Variants in CTPS2 observed in about 807,000 individuals in gnomAD.
CTPS2 encodes the protein CTP synthase II.
CTPS2 carries 19 observed loss-of-function variants against 46.8 expected under a neutral mutation model. That is an observed-to-expected ratio of 0.41 (90% CI 0.28 to 0.60). The LOEUF (loss-of-function observed/expected upper bound fraction) is 0.60. CTPS2 is among the 20% of genes least tolerant of loss of function. The pLI is 0.35. For missense variants in CTPS2, 286 were observed against 447.6 expected, an observed-to-expected ratio of 0.64 and a Z score of 3.26; for synonymous variants, 151 against 165.2, an observed-to-expected ratio of 0.91 and a Z score of 0.66.
At chrX:16,616,729 C>CT (rs1930545753) in intron 16 of CTPS2, among the ~76,000 whole-genome samples, 2 of 112,084 alleles carry the variant, frequency 1.8e-5, no homozygotes, top group South Asian at 7.5e-4. Flanking sequence ...AAGTCTCACT[C>CT]TGTCACCCAG....
intron 16 of CTPS2, among the ~76,000 whole-genome samples, 175 bp downstream of exon 16, chrX:16,616,975 G>A (rs752137575): frequency 8.9e-6 from 1 of 111,820 alleles, no homozygotes; most frequent in Admixed American, 9.5e-5. Flanking sequence ...GATTACAGGC[G>A]TGAGCCACCA....
chrX:16,691,625 C>CA lies in CTPS2; in HGVS notation c.640-6dup, dbSNP rs745313913. The CA allele has an allele frequency of 2.0e-5, 24 of 1,196,262 alleles. No homozygotes were observed. The highest frequency in any genetic ancestry group is 2.7e-5 in the Non-Finnish European group (24 of 881,585). ...CGTTGAACTTCGGCAGACAATCTGTCAAAGCCAGTTATGCTTCAGCAAACA... is the reference window on the plus strand; with the variant it reads ...CGTTGAACTTCGGCAGACAATCTGTCAAAAGCCAGTTATGCTTCAGCAAACA... On this transcript the variant is annotated splice_region_variant and splice_polypyrimidine_tract_variant and intron_variant, in intron 6 of 18. Transcript: ENST00000359276.
chrX:16,703,319 A>G (rs1266837057), intron 1 of CTPS2, among the ~76,000 whole-genome samples: 1 of 103,978 alleles, frequency 9.6e-6, no homozygotes, highest in East Asian at 3.0e-4. Flanking sequence ...GAGCCACCGC[A>G]CCTAGCTCAG....
At chrX:16,616,317 G>A (rs1930526138) in intron 16 of CTPS2, among the ~76,000 whole-genome samples, 1 of 112,222 alleles carries the variant, frequency 8.9e-6, no homozygotes, top group Admixed American at 9.5e-5. Flanking sequence ...TTTCTGTTCT[G>A]TTTGCTCTTA....
Position 16,678,419 on chromosome X carries a change from G to A in CTPS2, c.1037C>T (p.Thr346Ile). ...AAATTTCACAGGGTCCTCGGTTTCA[G>A]TGATCTTCTCCAGATCAATGGAGTC... is the stretch of plus-strand genomic sequence containing the variant. ...YIDSIDLEKI[T>I]ETEDPVKFHE... is the part of the protein sequence containing the mutation. The change falls in exon 10 of 19, where the codon ACT (threonine) becomes ATT (isoleucine). Residue 346 changes from threonine to isoleucine, a missense_variant. Transcript: ENST00000359276. The A allele has an allele frequency of 8.3e-7, 1 of 1,200,265 alleles. No homozygotes were observed. The highest frequency in any genetic ancestry group is 1.1e-6 in the Non-Finnish European group (1 of 886,154).
intron 14 of CTPS2, among the ~76,000 whole-genome samples, chrX:16,633,477 C>A (rs762754740): frequency 9.0e-6 from 1 of 111,717 alleles, no homozygotes; most frequent in Admixed American, 9.5e-5. Context: ...GATATGGAAT[C>A]AACTTTCAGC....
At chrX:16,602,340 T>G in intron 17 of CTPS2, among the ~76,000 whole-genome samples, 1 of 109,254 alleles carries the variant, frequency 9.2e-6, no homozygotes, top group African/African-American at 3.4e-5. Flanking sequence ...GGGGTAGCAT[T>G]GGGGGTATGA....
At chrX:16,634,070 A>G (rs1254313370) in intron 14 of CTPS2, among the ~76,000 whole-genome samples, 2 of 111,940 alleles carry the variant, frequency 1.8e-5, no homozygotes, top group Non-Finnish European at 3.8e-5. Context: ...ATTAAATACT[A>G]TATGCACAGA....
intron 14 of CTPS2, among the ~76,000 whole-genome samples, chrX:16,630,543 C>T (rs1215661904): frequency 1.8e-5 from 2 of 110,423 alleles, no homozygotes; most frequent in South Asian, 3.9e-4. Flanking sequence ...TGTGAGCCAC[C>T]GCGCCCGGCC....
In CTPS2 at chrX:16,678,475, G is replaced by C. The variant is rs746175146; in HGVS notation, c.1006-25C>G. 4 of 1,009,150 alleles carry C rather than the reference G, an allele frequency of 4.0e-6. No homozygotes were observed. In the East Asian group the frequency reaches 1.2e-4, roughly 31 times the overall value. 83.2% of individuals were successfully genotyped at this position (1,009,150 alleles called of 1,213,427 possible). On this transcript the variant is annotated intron_variant, in intron 9 of 18. Transcript: ENST00000359276. ...ACTAAAAAACATCCAACAGATAAAAGGAGTATTTAAGAAAAATAAACACTC... is the reference window on the plus strand; with the variant it reads ...ACTAAAAAACATCCAACAGATAAAACGAGTATTTAAGAAAAATAAACACTC...
In CTPS2 at chrX:16,590,854, T is replaced by C. The variant is rs759155589; in HGVS notation, c.1700A>G (p.Tyr567Cys). 1.9e-5 allele frequency: 22 copies of C among 1,181,523 alleles called. No homozygotes were observed. The highest frequency in any genetic ancestry group is 2.4e-5 in the Non-Finnish European group (21 of 872,904). ...AAAGCTGTCATCACTGGCATCACTG[T>C]ATCTATCACTAGATTAAAAGAGGAA... ...QGCKLSSSDR[Y>C]SDASDDSFSE... The change falls in exon 18 of 19, where the codon TAC (tyrosine) becomes TGC (cysteine). Residue 567 changes from tyrosine (Y) to cysteine (C), a missense_variant. Coordinates refer to ENST00000359276, the MANE Select transcript of CTPS2 (RefSeq NM_175859.3).
intron 4 of CTPS2, among the ~76,000 whole-genome samples, chrX:16,696,625 A>G (rs889912592): frequency 8.9e-6 from 1 of 111,832 alleles, no homozygotes. Context: ...TGATTGGTTG[A>G]GCCCAGAAGT....
rs768955929 is a variant in CTPS2 at position 16,590,230 on chromosome X, T to A, written c.*42-455A>T. On this transcript the variant is annotated intron_variant, in intron 18 of 18. Coordinates refer to ENST00000359276, the MANE Select transcript of CTPS2 (RefSeq NM_175859.3). ...TTTTATTTTATTTTATGTTTTATTTTATTTTAATTTTATTTTATACAAATC... is the reference window on the plus strand; with the variant it reads ...TTTTATTTTATTTTATGTTTTATTTAATTTTAATTTTATTTTATACAAATC... 2.3e-3 allele frequency among the ~76,000 whole-genome samples: 257 copies of A among 111,435 alleles called. 3 individuals are homozygous for A. Among genetic ancestry groups the A allele is most frequent in the African/African-American group, 8.1e-3 (249 of 30,866 alleles).
At chrX:16,624,054 G>A (rs371952877) in intron 14 of CTPS2, among the ~76,000 whole-genome samples, 5 of 109,108 alleles carry the variant, frequency 4.6e-5, no homozygotes, top group South Asian at 3.9e-4. Context: ...TGATCCACCC[G>A]CCTTAGGATT....
In CTPS2 at chrX:16,691,523, T is replaced by C. The variant is rs1407780254; in HGVS notation, c.720+17A>G. ...GAAGTGCCTGCCAGACAATAAAATC[T>C]AAAGAGCAGCACCAACCTGTTCAGG... On this transcript the variant is annotated intron_variant, in intron 7 of 18. Coordinates refer to ENST00000359276, the MANE Select transcript of CTPS2 (RefSeq NM_175859.3). 2.4e-5 allele frequency: 29 copies of C among 1,191,906 alleles called. No individual in the cohort carries two copies. The highest frequency in any genetic ancestry group is 3.2e-5 in the Non-Finnish European group (28 of 879,201).
At chrX:16,617,715 A>T (rs754552321) in intron 15 of CTPS2, among the ~76,000 whole-genome samples, 2 of 112,069 alleles carry the variant, frequency 1.8e-5, no homozygotes, top group South Asian at 7.4e-4. Context: ...TTCTACTAAA[A>T]TATCCTAATA....
intron 16 of CTPS2, among the ~76,000 whole-genome samples, chrX:16,616,028 A>C (rs1930509103): frequency 8.9e-6 from 1 of 112,255 alleles, no homozygotes; most frequent in Non-Finnish European, 1.9e-5. Context: ...CCATTAAAAA[A>C]TGTAAAAATC....
intron 17 of CTPS2, among the ~76,000 whole-genome samples, chrX:16,609,280 A>G (rs1257215741): frequency 1.8e-5 from 2 of 111,899 alleles, no homozygotes; most frequent in Non-Finnish European, 3.8e-5. Context: ...CAAAGAATCA[A>G]CAAAAGACAA....
chrX:16,650,511 C>CT (rs1167079038), intron 13 of CTPS2, among the ~76,000 whole-genome samples: 2,212 of 77,048 alleles, frequency 0.029, 114 homozygotes, highest in African/African-American at 0.075. Flanking sequence ...TCTAAGATGT[C>CT]TTTTTTTTTT....
Sources: gnomAD v4.1 joint callset for allele counts (sites outside exome capture counted in the v4.1 genomes callset) on GRCh38, gnomAD v4.1.1 for gene constraint, MANE v1.5 for transcripts, NCBI Gene and HGNC (gene_info 2026-07-23, HGNC 2026-07-21) for gene names.